The following DNAJB6 variants were observed in gnomAD, a reference collection of about 807,000 sequenced individuals.
DNAJB6 encodes the protein DnaJ heat shock protein family (Hsp40) member B6.
In DNAJB6, 16 loss-of-function variants were observed where a neutral mutation model predicts 42.7. The ratio of observed to expected loss-of-function variants is 0.37; its 90% CI spans 0.25 to 0.57. DNAJB6 has a LOEUF of 0.57. Among genes scored for constraint, DNAJB6 ranks in the 20% least tolerant of loss-of-function variants. The probability of loss-of-function intolerance (pLI) is 0.74; values close to 1 mark genes in which losing one functional copy is unlikely to be tolerated. For missense variants in DNAJB6, 347 were observed against 416.8 expected, an observed-to-expected ratio of 0.83 and a Z score of 1.46; for synonymous variants, 170 against 163.5, an observed-to-expected ratio of 1.04 and a Z score of -0.30.
At chr7:157,366,698 G>C in intron 4 of DNAJB6, 137 bp downstream of exon 4, 2 of 722,262 alleles carry the variant, frequency 2.8e-6, no homozygotes. Flanking sequence ...CTAAATTGGG[G>C]AGAGGACAGA....
intron 1 of DNAJB6, among the ~76,000 whole-genome samples, chr7:157,338,281 T>A (rs1798155620): frequency 1.3e-5 from 2 of 152,130 alleles, no homozygotes; most frequent in African/African-American, 4.8e-5. Context: ...GCAGCCGCCT[T>A]ACTCCTCCGC....
intron 1 of DNAJB6, among the ~76,000 whole-genome samples, chr7:157,351,730 A>C (rs914621689): frequency 1.3e-5 from 2 of 152,158 alleles, no homozygotes; most frequent in African/African-American, 4.8e-5. Flanking sequence ...TTGGTAGGCC[A>C]AGGTGGACAG....
chr7:157,384,349 C>T (rs964290799), intron 6 of DNAJB6, among the ~76,000 whole-genome samples: 3 of 152,114 alleles, frequency 2.0e-5, no homozygotes, highest in Non-Finnish European at 4.4e-5. Context: ...GGAGGGAAGC[C>T]GATTAGGTTT....
chr7:157,382,126 CTCT>C (rs1026770694), intron 5 of DNAJB6, 117 bp from the exon 6 acceptor site: 20 of 1,121,514 alleles, frequency 1.8e-5, no homozygotes, highest in African/African-American at 1.3e-4. Flanking sequence ...TTGTTAAAAC[CTCT>C]TAAGTTTTTT....
intron 1 of DNAJB6, among the ~76,000 whole-genome samples, chr7:157,355,582 T>C (rs1172670057): frequency 6.6e-6 from 1 of 152,144 alleles, no homozygotes; most frequent in African/African-American, 2.4e-5. Context: ...TGTGGGTTTT[T>C]TACTGACCTT....
chr7:157,413,812 T>G (rs1022768622), intron 9 of DNAJB6: 1 of 144,908 alleles, frequency 6.9e-6, no homozygotes, highest in African/African-American at 2.6e-5. Flanking sequence ...AACCTCTGCC[T>G]CAAGGGTTCC....
intron 1 of DNAJB6, among the ~76,000 whole-genome samples, chr7:157,344,231 C>G (rs1169359317): frequency 1.3e-5 from 2 of 152,110 alleles, no homozygotes; most frequent in African/African-American, 4.8e-5. Context: ...GTCTCAGCTA[C>G]TTAGCAGGCT....
Position 157,367,479 on chromosome 7 carries a change from C to A in DNAJB6, c.342C>A (p.Phe114Leu), listed in dbSNP as rs373354100. ...GAAGGGACCCATTTTCATTTGACTTCTTTGGTAAGTTAATCACGTGGGTTG... is the reference window on the plus strand; with the variant it reads ...GAAGGGACCCATTTTCATTTGACTTATTTGGTAAGTTAATCACGTGGGTTG... ...FGGRDPFSFD[F>L]FEDPFEDFFG... is the part of the protein sequence containing the mutation. Residue 114 changes from phenylalanine to leucine, a missense_variant, in exon 5 of 10, where the codon TTC (phenylalanine) becomes TTA (leucine). Phe to Leu is a conservative substitution (Grantham distance 22). Coordinates refer to ENST00000262177, the MANE Select transcript of DNAJB6 (RefSeq NM_058246.4). 101 of 1,590,502 alleles carry A rather than the reference C, an allele frequency of 6.4e-5. No homozygotes were observed. In the East Asian group the frequency reaches 8.3e-4, roughly 13 times the overall value.
chr7:157,370,654 C>T (rs1023172589), intron 5 of DNAJB6: 4 of 152,596 alleles, frequency 2.6e-5, no homozygotes, highest in Non-Finnish European at 5.9e-5. Flanking sequence ...CTTACTGAAG[C>T]GCTTTACTGT....
intron 9 of DNAJB6, chr7:157,411,378 A>T (rs1338390012): frequency 1.4e-5 from 2 of 142,028 alleles, no homozygotes; most frequent in Non-Finnish European, 3.0e-5. Context: ...GGATCCCTGC[A>T]CTGAGCGGGC....
At chr7:157,395,693 T>TC in intron 8 of DNAJB6, among the ~76,000 whole-genome samples, 1 of 150,546 alleles carries the variant, frequency 6.6e-6, no homozygotes, top group East Asian at 1.9e-4. Context: ...TCTTTTTTTT[T>TC]TTTTTTTTTG....
intron 1 of DNAJB6, among the ~76,000 whole-genome samples, chr7:157,338,945 G>A (rs943830691): frequency 5.9e-5 from 9 of 152,200 alleles, no homozygotes; most frequent in African/African-American, 1.9e-4. Context: ...TAAAGAATTT[G>A]AGATGAGTTC....
At chr7:157,403,567 C>T (rs1046631667) in intron 8 of DNAJB6, among the ~76,000 whole-genome samples, 10 of 152,254 alleles carry the variant, frequency 6.6e-5, no homozygotes, top group Non-Finnish European at 1.2e-4. Flanking sequence ...CCTGAGCTCA[C>T]GTAAAGCGAT....
intron 8 of DNAJB6, among the ~76,000 whole-genome samples, chr7:157,393,172 C>A (rs955554672): frequency 3.9e-5 from 6 of 152,078 alleles, no homozygotes; most frequent in African/African-American, 1.2e-4. Flanking sequence ...GACGGAGTTT[C>A]ACTATTTTGG....
intron 8 of DNAJB6, chr7:157,385,877 G>C: frequency 9.3e-7 from 1 of 1,071,938 alleles, no homozygotes. Context: ...GTAAATCTCT[G>C]TATGCACTTT....
intron 1 of DNAJB6, among the ~76,000 whole-genome samples, chr7:157,341,275 C>T (rs1298927771): frequency 6.6e-6 from 1 of 151,998 alleles, no homozygotes; most frequent in Non-Finnish European, 1.5e-5. Flanking sequence ...CAGGCACCTG[C>T]CACTGCTCCC....
chr7:157,341,002 G>GCT (rs1798347902), intron 1 of DNAJB6, among the ~76,000 whole-genome samples: 2 of 148,778 alleles, frequency 1.3e-5, no homozygotes, highest in Non-Finnish European at 3.0e-5. Context: ...GTGTGTGCGC[G>GCT]CGCGCAGGTG....
intron 6 of DNAJB6, chr7:157,382,606 C>A (rs764936395): frequency 1.6e-5 from 5 of 321,234 alleles, no homozygotes; most frequent in Non-Finnish European, 2.8e-5. Context: ...ATATAATAAT[C>A]AAGGCCAGAA....
At chr7:157,339,407 C>T (rs1187329177) in intron 1 of DNAJB6, among the ~76,000 whole-genome samples, 1 of 149,816 alleles carries the variant, frequency 6.7e-6, no homozygotes, top group Admixed American at 6.8e-5. Context: ...ACACCATTCT[C>T]CTGCCTCAGC....
Sources: allele counts gnomAD v4.1 joint callset (sites outside exome capture counted in the v4.1 genomes callset), GRCh38; gene constraint gnomAD v4.1.1; transcripts MANE v1.5; gene names NCBI Gene and HGNC (gene_info 2026-07-23, HGNC 2026-07-21).